APLP2: variants seen among roughly 807,000 people sequenced by gnomAD.
The protein encoded by APLP2 is amyloid beta precursor like protein 2, also known as CDEI box-binding protein.
APLP2 carries 53 observed loss-of-function variants against 89.9 expected under a neutral mutation model. The observed-to-expected ratio is 0.59, with a 90% CI of 0.47 to 0.74. The LOEUF (loss-of-function observed/expected upper bound fraction) is 0.74, where lower values mean the gene tolerates loss of function less well. Ranked by LOEUF, APLP2 falls within the 30% of genes least tolerant of loss-of-function variation. The pLI is 0.00. For synonymous variants in APLP2, 372 were observed against 348.6 expected (o/e 1.07, Z -0.75); for missense variants, 973 against 975.9 (o/e 1.00, Z 0.04).
At chr11:130,109,857 G>A in intron 2 of APLP2, 1 of 377,238 alleles carries the variant, frequency 2.7e-6, no homozygotes. Flanking sequence ...TGGGAGTGCA[G>A]CCTGCTTCTC....
intron 1 of APLP2, among the ~76,000 whole-genome samples, chr11:130,099,808 C>G (rs372656139): frequency 1.3e-5 from 2 of 152,322 alleles, no homozygotes; most frequent in East Asian, 3.9e-4. Context: ...ACCTCGGGTT[C>G]AAGCCCCAGT....
intron 1 of APLP2, among the ~76,000 whole-genome samples, chr11:130,098,403 C>CAAA (rs202146814): frequency 9.6e-6 from 1 of 103,996 alleles, no homozygotes. Context: ...GACTCCGTCT[C>CAAA]AAAAAAAAAA....
chr11:130,125,139 T>C (rs1950227510), intron 7 of APLP2, among the ~76,000 whole-genome samples: 1 of 152,198 alleles, frequency 6.6e-6, no homozygotes, highest in Admixed American at 6.5e-5. Flanking sequence ...TGGGAGCGTT[T>C]TTGTTCTTCT....
chr11:130,087,648 G>T (rs947905271), intron 1 of APLP2, among the ~76,000 whole-genome samples: 3 of 152,122 alleles, frequency 2.0e-5, no homozygotes, highest in African/African-American at 7.2e-5. Context: ...ACCATGGCAG[G>T]TTTCAAGTGA....
chr11:130,079,892 T>C (rs1300635869), intron 1 of APLP2, among the ~76,000 whole-genome samples: 1 of 152,184 alleles, frequency 6.6e-6, no homozygotes, highest in Non-Finnish European at 1.5e-5. Flanking sequence ...TAAGGAAGAG[T>C]TTATATTCTA....
Position 130,123,796 on chromosome 11 carries a change from G to A in APLP2, c.1090+17G>A, listed in dbSNP as rs1471846073. ...AAGCGATGAGTAAGTCCTGCCTCGC[G>A]CTGGTCCCGTGCGGCAGCACCGTCC... On this transcript the variant is annotated intron_variant, in intron 7 of 16. Coordinates refer to ENST00000338167, the MANE Select transcript of APLP2 (RefSeq NM_001142276.2). This position sits in a 1 kb window ranked among gnomAD's most constrained non-coding sequence, Gnocchi z 4.0. 3 of 1,612,058 alleles carry A rather than the reference G, an allele frequency of 1.9e-6. No individual in the cohort carries two copies. The highest frequency in any genetic ancestry group is 1.6e-4 in the Middle Eastern group (1 of 6,066).
intron 3 of APLP2, among the ~76,000 whole-genome samples, chr11:130,115,655 T>TA (rs1949077158): frequency 6.6e-6 from 1 of 152,240 alleles, no homozygotes; most frequent in African/African-American, 2.4e-5. Flanking sequence ...ACTCCGCTGA[T>TA]AAAATTGAGG....
At position 130,143,587 on chromosome 11, in the gene APLP2, A is replaced by T; in HGVS notation, c.*139A>T. 1.5e-6 allele frequency: 1 copy of T among 668,910 alleles called. No individual in the cohort carries two copies. Among genetic ancestry groups the T allele is most frequent in the Non-Finnish European group, 2.6e-6 (1 of 378,746 alleles). 41.4% of individuals were successfully genotyped at this position (668,910 alleles called of 1,614,324 possible). ...ACCTCCTGGACTGTAGGACTATATA[A>T]AGTACTACTGTAGAACTGCAATTTC... On this transcript the variant is annotated 3_prime_UTR_variant, in exon 17 of 17. Transcript: ENST00000338167.
intron 1 of APLP2, among the ~76,000 whole-genome samples, chr11:130,090,264 T>A (rs11510183): frequency 1.6e-4 from 23 of 147,752 alleles, no homozygotes; most frequent in Non-Finnish European, 2.8e-4. Flanking sequence ...TTTTTTTTTT[T>A]TTTTAAATTT....
At chr11:130,129,979 TCCTG>T (rs1950757534) in intron 10 of APLP2, 55 bp from the exon 11 acceptor site, 2 of 1,575,058 alleles carry the variant, frequency 1.3e-6, no homozygotes, top group African/African-American at 2.7e-5. Flanking sequence ...GCTTTTGTTT[TCCTG>T]CCTATTTTCA....
intron 1 of APLP2, among the ~76,000 whole-genome samples, chr11:130,092,648 C>G (rs1254069255): frequency 8.0e-6 from 1 of 125,072 alleles, no homozygotes; most frequent in Non-Finnish European, 1.6e-5. Flanking sequence ...TGCAGTGAGC[C>G]GAGATGGCAG....
chr11:130,093,365 A>G (rs895165273), intron 1 of APLP2, among the ~76,000 whole-genome samples: 1 of 152,232 alleles, frequency 6.6e-6, no homozygotes, highest in African/African-American at 2.4e-5. Context: ...ATAGACAAAG[A>G]CAAGTTCTTA....
At chr11:130,129,376 A>C (rs1950688305) in intron 10 of APLP2, among the ~76,000 whole-genome samples, 170 bp downstream of exon 10, 1 of 152,228 alleles carries the variant, frequency 6.6e-6, no homozygotes, top group Non-Finnish European at 1.5e-5. Flanking sequence ...CTGTGTATAT[A>C]AGCTAAGCAT....
intron 1 of APLP2, among the ~76,000 whole-genome samples, chr11:130,083,021 C>CTTTTTTTTTTTTTTTTTTTTTTTTTT (rs1469566240): frequency 1.3e-5 from 1 of 79,980 alleles, no homozygotes; most frequent in African/African-American, 5.1e-5. Context: ...TGAAACTTTT[C>CTTTTTTTTTTTTTTTTTTTTTTTTTT]TTTTCTTTTT....
intron 1 of APLP2, among the ~76,000 whole-genome samples, chr11:130,076,966 G>T (rs1942250666): frequency 6.6e-6 from 1 of 152,170 alleles, no homozygotes; most frequent in Non-Finnish European, 1.5e-5. Flanking sequence ...GAGGAGGAGG[G>T]TGCAGCCTCT....
At chr11:130,072,179 G>A (rs923177256) in intron 1 of APLP2, among the ~76,000 whole-genome samples, 1 of 152,200 alleles carries the variant, frequency 6.6e-6, no homozygotes, top group African/African-American at 2.4e-5. Flanking sequence ...TCCGAGACAA[G>A]TTCTCCTGTG....
chr11:130,126,857 CA>C lies in APLP2; in HGVS notation c.1221+28del, dbSNP rs1950426046. The C allele has an allele frequency of 1.9e-6, 3 of 1,613,480 alleles. No individual in the cohort carries two copies. In the East Asian group the frequency reaches 6.7e-5, roughly 36 times the overall value. ...TAAACCTTGACAATTTCTTCATCTT[CA>C]TGGTACTTGGCTTTGGGTAGCATGG... On this transcript the variant is annotated intron_variant, in intron 8 of 16. Transcript: ENST00000338167.
At chr11:130,106,398 A>G (rs944884269) in intron 1 of APLP2, among the ~76,000 whole-genome samples, 1 of 152,166 alleles carries the variant, frequency 6.6e-6, no homozygotes, top group Non-Finnish European at 1.5e-5. Flanking sequence ...GTCCTGAATG[A>G]TTTCCCTGCA....
chr11:130,092,571 C>T (rs1451383205), intron 1 of APLP2, among the ~76,000 whole-genome samples: 6 of 147,830 alleles, frequency 4.1e-5, no homozygotes, highest in Admixed American at 6.7e-5. Flanking sequence ...ACCAGTCAGG[C>T]GTGGCGGCGC....
Sources: allele counts gnomAD v4.1 joint callset (sites outside exome capture counted in the v4.1 genomes callset), GRCh38; gene constraint gnomAD v4.1.1; non-coding constraint Gnocchi (gnomAD v3.1); transcripts MANE v1.5; gene names NCBI Gene and HGNC (gene_info 2026-07-23, HGNC 2026-07-21).